Variants in CDH12 observed in about 807,000 individuals in gnomAD.
CDH12 encodes the protein cadherin-12.
Under a neutral mutation model 74.1 loss-of-function variants are expected in CDH12, and 41 were observed. The ratio of observed to expected loss-of-function variants is 0.55; its 90% CI spans 0.43 to 0.72. The LOEUF is 0.72. CDH12 is among the 30% of genes least tolerant of loss of function. The pLI, the probability that CDH12 is intolerant of heterozygous loss-of-function variation, is 0.00. For synonymous variants in CDH12, 399 were observed against 355.0 expected, an observed-to-expected ratio of 1.12 and a Z score of -1.39; for missense variants, 945 against 977.2, an observed-to-expected ratio of 0.97 and a Z score of 0.44.
intron 1 of CDH12, among the ~76,000 whole-genome samples, chr5:22,822,620 A>C (rs1749766627): frequency 6.6e-6 from 1 of 152,244 alleles, no homozygotes; most frequent in African/African-American, 2.4e-5. Flanking sequence ...CAGCCAAAAA[A>C]CACATGAAAA....
At chr5:22,441,332 T>G (rs544084139) in intron 2 of CDH12, among the ~76,000 whole-genome samples, 5 of 152,254 alleles carry the variant, frequency 3.3e-5, no homozygotes, top group African/African-American at 7.2e-5. Context: ...TGGACAATAT[T>G]TATCTGAAAG....
chr5:22,366,022 G>A (rs1463984367), intron 3 of CDH12, among the ~76,000 whole-genome samples: 4 of 152,004 alleles, frequency 2.6e-5, no homozygotes, highest in Non-Finnish European at 5.9e-5. Context: ...ACAGTGGTGC[G>A]ATCTTGGCTC....
At chr5:22,518,027 G>A (rs1005521088) in intron 1 of CDH12, among the ~76,000 whole-genome samples, 2 of 152,054 alleles carry the variant, frequency 1.3e-5, no homozygotes, top group African/African-American at 4.8e-5. Flanking sequence ...CTTTTTATAG[G>A]GTTACCCCTA....
chr5:22,655,212 C>A (rs771136318), intron 1 of CDH12, among the ~76,000 whole-genome samples: 4 of 152,168 alleles, frequency 2.6e-5, no homozygotes, highest in African/African-American at 4.8e-5. Context: ...ATGCCCTGGA[C>A]TGACTCAATA....
intron 1 of CDH12, among the ~76,000 whole-genome samples, chr5:22,757,863 C>T (rs1022621425): frequency 3.9e-5 from 6 of 152,108 alleles, no homozygotes; most frequent in Non-Finnish European, 7.4e-5. Flanking sequence ...TGTGGATAAT[C>T]CCATTCAAGC....
At position 21,942,072 on chromosome 5, in the gene CDH12, G is replaced by T. The variant is rs1755354807; in HGVS notation, c.526+33019C>A. Among the ~76,000 whole-genome samples the T allele has an allele frequency of 2.0e-5, 3 of 152,192 alleles. No homozygotes were observed. In the South Asian group the frequency reaches 6.2e-4, roughly 32 times the overall value. On this transcript the variant is annotated intron_variant, in intron 6 of 14. Coordinates refer to ENST00000382254, the MANE Select transcript of CDH12 (RefSeq NM_004061.5). ...AAATGTGAACCCAAGTGGAGTTCTT[G>T]TAAGACTGAGAAGATGCCTTCGAGT...
rs538079779 is a variant in CDH12, at chr5:22,832,572, C to A, written c.-523+20486G>T. Among the ~76,000 whole-genome samples, 300 of 152,106 alleles carry A rather than the reference C, an allele frequency of 2.0e-3. 2 individuals are homozygous for A. Among genetic ancestry groups the A allele is most frequent in the African/African-American group, 7.1e-3 (294 of 41,488 alleles). On this transcript the variant is annotated intron_variant, in intron 1 of 14. Coordinates refer to ENST00000382254, the MANE Select transcript of CDH12 (RefSeq NM_004061.5). ...ATCAACGTGTCAATGAGAGACACCC[C>A]TGAAGTAAGCCAGAAAGAAATAGAT...
At chr5:21,832,798 A>G (rs575251829) in intron 8 of CDH12, among the ~76,000 whole-genome samples, 2 of 86,314 alleles carry the variant, frequency 2.3e-5, no homozygotes, top group African/African-American at 9.3e-5. Context: ...CATATAATAT[A>G]TATATTATCA....
intron 1 of CDH12, among the ~76,000 whole-genome samples, chr5:22,574,072 T>C (rs1411695853): frequency 1.4e-5 from 2 of 139,130 alleles, no homozygotes; most frequent in Non-Finnish European, 3.1e-5. Context: ...TGTCTCTCTC[T>C]CTTTTTTTTT....
At chr5:22,340,545 G>A (rs1192816597) in intron 3 of CDH12, among the ~76,000 whole-genome samples, 1 of 148,110 alleles carries the variant, frequency 6.8e-6, no homozygotes, top group Non-Finnish European at 1.5e-5. Flanking sequence ...AAAAAAATCT[G>A]TTTTTCAAAC....
intron 6 of CDH12, among the ~76,000 whole-genome samples, chr5:21,955,043 C>T (rs1756033551): frequency 6.6e-6 from 1 of 151,984 alleles, no homozygotes; most frequent in Non-Finnish European, 1.5e-5. Flanking sequence ...AGTTCATAAC[C>T]AAGAATTTTA....
chr5:22,323,200 C>A (rs144228086), intron 3 of CDH12, among the ~76,000 whole-genome samples: 2 of 152,038 alleles, frequency 1.3e-5, no homozygotes, highest in Non-Finnish European at 2.9e-5. Flanking sequence ...ATTTTACAAC[C>A]GGGACAGGTC....
At chr5:22,810,944 CTTACATATAT>C in intron 1 of CDH12, among the ~76,000 whole-genome samples, 3 of 148,078 alleles carry the variant, frequency 2.0e-5, no homozygotes, top group Admixed American at 6.7e-5. Context: ...CACATATATA[CTTACATATAT>C]ACATATATAC....
chr5:22,748,283 T>C (rs530427310), intron 1 of CDH12, among the ~76,000 whole-genome samples: 1 of 152,290 alleles, frequency 6.6e-6, no homozygotes, highest in East Asian at 1.9e-4. Flanking sequence ...AACACTTTAA[T>C]ATTGGAAGTG....
At chr5:21,997,827 C>G (rs1048635519) in intron 5 of CDH12, among the ~76,000 whole-genome samples, 6 of 152,044 alleles carry the variant, frequency 3.9e-5, no homozygotes, top group Non-Finnish European at 7.4e-5. Context: ...ATGATTATAT[C>G]TAAAGTAATT....
intron 1 of CDH12, among the ~76,000 whole-genome samples, chr5:22,604,487 T>G (rs1054651806): frequency 1.3e-5 from 2 of 152,200 alleles, no homozygotes; most frequent in African/African-American, 4.8e-5. Context: ...CTCACTTTAA[T>G]AGTCTAGGCA....
chr5:21,804,297 G>GA (rs1176371926), intron 9 of CDH12, among the ~76,000 whole-genome samples: 2 of 151,946 alleles, frequency 1.3e-5, no homozygotes, highest in African/African-American at 2.4e-5. Context: ...TGTAGTATCT[G>GA]AAAAAAAGAG....
chr5:22,673,069 A>G (rs1017433926), intron 1 of CDH12, among the ~76,000 whole-genome samples: 2 of 151,990 alleles, frequency 1.3e-5, no homozygotes, highest in African/African-American at 4.8e-5. Context: ...ACTCCTTGTA[A>G]CAAAAGTCAA....
chr5:22,812,888 C>T (rs890433419), intron 1 of CDH12, among the ~76,000 whole-genome samples: 3 of 152,010 alleles, frequency 2.0e-5, no homozygotes, highest in Non-Finnish European at 2.9e-5. Flanking sequence ...CACTGGTATT[C>T]AAGAGATGTG....
Sources: allele counts gnomAD v4.1 joint callset (sites outside exome capture counted in the v4.1 genomes callset), GRCh38; gene constraint gnomAD v4.1.1; transcripts MANE v1.5; gene names NCBI Gene and HGNC (gene_info 2026-07-23, HGNC 2026-07-21).